The following DMD variants were observed in gnomAD, a reference collection of about 807,000 sequenced individuals.
DMD encodes dystrophin.
Under a neutral mutation model 330.1 loss-of-function variants are expected in DMD, and 63 were observed. That is an observed-to-expected ratio of 0.19 (90% CI 0.16 to 0.24). The LOEUF (loss-of-function observed/expected upper bound fraction) is 0.24, where lower values mean the gene tolerates loss of function less well. Ranked by LOEUF, DMD falls within the 10% of genes least tolerant of loss-of-function variation. DMD has a pLI of 1.00. For missense variants in DMD, 3,344 were observed against 2,684.1 expected (o/e 1.25, Z -5.43); for synonymous variants, 1,223 against 959.8 (o/e 1.27, Z -5.07).
chrX:33,096,962 A>C (rs1443214729), intron 1 of DMD, among the ~76,000 whole-genome samples: 2 of 112,324 alleles, frequency 1.8e-5, no homozygotes, highest in Non-Finnish European at 3.8e-5. Flanking sequence ...TAATGTCCAG[A>C]ATATTCAAAT....
At chrX:31,869,911 C>T (rs1396246380) in intron 48 of DMD, among the ~76,000 whole-genome samples, 4 of 111,408 alleles carry the variant, frequency 3.6e-5, no homozygotes, top group Non-Finnish European at 7.5e-5. Flanking sequence ...ACTTGCTGCC[C>T]TCTGGACTCA....
intron 2 of DMD, among the ~76,000 whole-genome samples, chrX:32,879,042 A>C (rs1414016803): frequency 9.1e-6 from 1 of 109,513 alleles, no homozygotes; most frequent in African/African-American, 3.3e-5. Context: ...CAAACAAAAA[A>C]AAAACAACTA....
intron 21 of DMD, among the ~76,000 whole-genome samples, chrX:32,474,712 T>C (rs2041044416): frequency 9.0e-6 from 1 of 111,476 alleles, no homozygotes; most frequent in Admixed American, 9.6e-5. Context: ...TGGGATTGTA[T>C]TTTTCTTACT....
intron 9 of DMD, among the ~76,000 whole-genome samples, chrX:32,668,216 T>C (rs942872738): frequency 8.9e-6 from 1 of 111,970 alleles, no homozygotes; most frequent in Non-Finnish European, 1.9e-5. Context: ...ATTTGAAGCA[T>C]TTCAAATTGC....
At chrX:31,328,340 A>C (rs1354640378) in intron 61 of DMD, among the ~76,000 whole-genome samples, 1 of 111,045 alleles carries the variant, frequency 9.0e-6, no homozygotes, top group Non-Finnish European at 1.9e-5. Flanking sequence ...TATTGATATA[A>C]GTGTAAAGAG....
intron 61 of DMD, among the ~76,000 whole-genome samples, chrX:31,333,030 C>T (rs936418219): frequency 2.7e-5 from 3 of 111,214 alleles, no homozygotes. Flanking sequence ...ATCTTTCTTC[C>T]TCTTTTTCTA....
At chrX:31,404,563 G>T (rs1013318624) in intron 60 of DMD, among the ~76,000 whole-genome samples, 1 of 111,988 alleles carries the variant, frequency 8.9e-6, no homozygotes, top group Non-Finnish European at 1.9e-5. Flanking sequence ...TCATTCACCA[G>T]GAGGCTGAAT....
intron 42 of DMD, among the ~76,000 whole-genome samples, chrX:32,289,280 G>C (rs749589646): frequency 2.7e-4 from 30 of 110,506 alleles, no homozygotes; most frequent in Non-Finnish European, 4.9e-4. Flanking sequence ...GACCCTAATA[G>C]TTAGGCAGAA....
At position 32,986,018 on chromosome X, in the gene DMD, A is replaced by T. The variant is rs138475442; in HGVS notation, c.93+34121T>A. 9.1e-3 allele frequency among the ~76,000 whole-genome samples: 1,019 copies of T among 111,635 alleles called. 12 individuals are homozygous for T. The highest frequency in any genetic ancestry group is 0.03 in the African/African-American group (935 of 30,760). On this transcript the variant is annotated intron_variant, in intron 2 of 78. Transcript: ENST00000357033. ...AATTTAAAATTAAAATAAGTATTATACTTATTACTTTTCTAAATTGCGACT... is the reference window on the plus strand; with the variant it reads ...AATTTAAAATTAAAATAAGTATTATTCTTATTACTTTTCTAAATTGCGACT...
At chrX:32,866,752 G>T (rs144927722) in intron 2 of DMD, among the ~76,000 whole-genome samples, 17,768 of 83,995 alleles carry the variant, frequency 0.21, 2,095 homozygotes, top group South Asian at 0.31. Context: ...TGGGGGGGGG[G>T]GGACAGAGTT....
intron 21 of DMD, among the ~76,000 whole-genome samples, chrX:32,482,996 C>T (rs1377605530): frequency 9.3e-6 from 1 of 107,044 alleles, no homozygotes; most frequent in East Asian, 3.0e-4. Flanking sequence ...ATACTTAATA[C>T]GTCCAAAGTA....
intron 1 of DMD, among the ~76,000 whole-genome samples, chrX:33,140,243 T>C (rs1038353785): frequency 8.9e-5 from 10 of 112,090 alleles, no homozygotes; most frequent in African/African-American, 2.9e-4. Flanking sequence ...AGTAGGTAAT[T>C]TTCTTTTAAG....
At chrX:32,485,257 A>AC (rs1014760255) in intron 20 of DMD, among the ~76,000 whole-genome samples, 158 bp from the exon 21 acceptor site, 31 of 111,956 alleles carry the variant, frequency 2.8e-4, no homozygotes, top group Non-Finnish European at 5.3e-4. Flanking sequence ...AGCCTCTATC[A>AC]CCAGCCATAC....
At chrX:31,797,715 G>A in intron 50 of DMD, among the ~76,000 whole-genome samples, 1 of 111,683 alleles carries the variant, frequency 9.0e-6, no homozygotes, top group East Asian at 2.8e-4. Flanking sequence ...ATAAACACTG[G>A]TAGATAAATA....
chrX:32,900,591 C>G (rs758689571), intron 2 of DMD, among the ~76,000 whole-genome samples: 131 of 111,186 alleles, frequency 1.2e-3, no homozygotes, highest in African/African-American at 4.1e-3. Context: ...GCAATCCTAC[C>G]ACCTCAGCCT....
chrX:31,332,203 G>A (rs2057167174), intron 61 of DMD, among the ~76,000 whole-genome samples: 1 of 111,619 alleles, frequency 9.0e-6, no homozygotes, highest in Admixed American at 9.5e-5. Flanking sequence ...CTTTAGTCTG[G>A]GGCTCACAAC....
chrX:32,577,939 AC>A (rs2149165195), intron 13 of DMD, among the ~76,000 whole-genome samples: 1 of 112,483 alleles, frequency 8.9e-6, no homozygotes, highest in Non-Finnish European at 1.9e-5. Flanking sequence ...TAGATAATAC[AC>A]GAAGTGCTTT....
intron 19 of DMD, among the ~76,000 whole-genome samples, chrX:32,494,178 T>C (rs1445065347): frequency 2.7e-5 from 3 of 111,850 alleles, no homozygotes; most frequent in African/African-American, 9.7e-5. Flanking sequence ...GAGTCATTGT[T>C]GATCATTACA....
At chrX:32,524,290 G>A (rs1348058975) in intron 17 of DMD, among the ~76,000 whole-genome samples, 1 of 111,854 alleles carries the variant, frequency 8.9e-6, no homozygotes, top group Non-Finnish European at 1.9e-5. Context: ...AGGCAAAATT[G>A]TATGTTTCCT....
Sources: allele counts gnomAD v4.1 joint callset (sites outside exome capture counted in the v4.1 genomes callset), GRCh38; gene constraint gnomAD v4.1.1; transcripts MANE v1.5; gene names NCBI Gene and HGNC (gene_info 2026-07-23, HGNC 2026-07-21).